The following STPG2 variants were observed in gnomAD, a reference collection of about 807,000 sequenced individuals.
STPG2 encodes the protein sperm-tail PG-rich repeat-containing protein 2.
In STPG2, 56 loss-of-function variants were observed where a neutral mutation model predicts 54.2. That is an observed-to-expected ratio of 1.03 (90% CI 0.83 to 1.29). The LOEUF (loss-of-function observed/expected upper bound fraction) is 1.29, where lower values mean the gene tolerates loss of function less well. Among genes scored for constraint, STPG2 ranks in the 50% most tolerant of loss-of-function variants. The probability of loss-of-function intolerance (pLI) is 0.00; values close to 1 mark genes in which losing one functional copy is unlikely to be tolerated. For synonymous variants in STPG2, 200 were observed against 181.8 expected (o/e 1.10, Z -0.81); for missense variants, 596 against 544.9 (o/e 1.09, Z -0.93).
At chr4:98,134,170 C>T (rs540497318) in intron 2 of STPG2, among the ~76,000 whole-genome samples, 177 bp downstream of exon 2, 1 of 151,948 alleles carries the variant, frequency 6.6e-6, no homozygotes, top group African/African-American at 2.4e-5. Context: ...AAACATCCAA[C>T]CCAATCATGC....
chr4:97,619,690 GCCGT>G (rs1156497369), intron 10 of STPG2, among the ~76,000 whole-genome samples: 2 of 151,954 alleles, frequency 1.3e-5, no homozygotes, highest in African/African-American at 4.8e-5. Flanking sequence ...TCCTTCAGAA[GCCGT>G]CTGTTAGTCA....
chr4:97,443,641 A>G (rs1729146318), intron 4 of STPG2, among the ~76,000 whole-genome samples: 1 of 152,094 alleles, frequency 6.6e-6, no homozygotes, highest in African/African-American at 2.4e-5. Context: ...AAAATGTGAA[A>G]CTCAGTTCTG....
At chr4:97,734,436 T>A (rs1486097145) in intron 9 of STPG2, among the ~76,000 whole-genome samples, 1 of 152,132 alleles carries the variant, frequency 6.6e-6, no homozygotes, top group Non-Finnish European at 1.5e-5. Flanking sequence ...CACTCTCCAA[T>A]GGGCCCCAGA....
At chr4:97,485,937 T>A (rs1251291394) in intron 4 of STPG2, among the ~76,000 whole-genome samples, 1 of 151,688 alleles carries the variant, frequency 6.6e-6, no homozygotes, top group Non-Finnish European at 1.5e-5. Flanking sequence ...AAATATAAAG[T>A]AGTGAAAAGA....
intron 10 of STPG2, among the ~76,000 whole-genome samples, chr4:97,631,128 C>T (rs953855778): frequency 6.6e-5 from 10 of 151,884 alleles, no homozygotes; most frequent in Non-Finnish European, 1.2e-4. Flanking sequence ...TTTTCTATTA[C>T]ATTGGGAAAA....
At chr4:97,837,231 T>C (rs887554609) in intron 9 of STPG2, among the ~76,000 whole-genome samples, 5 of 151,712 alleles carry the variant, frequency 3.3e-5, no homozygotes, top group African/African-American at 1.2e-4. Flanking sequence ...TAGGATGATC[T>C]TAGAAGCAGA....
At chr4:97,914,193 T>C (rs1731786172) in intron 8 of STPG2, among the ~76,000 whole-genome samples, 1 of 152,158 alleles carries the variant, frequency 6.6e-6, no homozygotes, top group Admixed American at 6.5e-5. Flanking sequence ...GAAAGTAAAT[T>C]ATTACCCCAA....
At chr4:97,864,396 T>C (rs376373295) in intron 8 of STPG2, among the ~76,000 whole-genome samples, 2 of 151,986 alleles carry the variant, frequency 1.3e-5, no homozygotes, top group Non-Finnish European at 2.9e-5. Flanking sequence ...ACGTGAAGGA[T>C]CTCTTCAAGG....
At chr4:97,887,229 G>C (rs1376049747) in intron 8 of STPG2, among the ~76,000 whole-genome samples, 6 of 152,220 alleles carry the variant, frequency 3.9e-5, no homozygotes, top group Admixed American at 1.3e-4. Flanking sequence ...ATGAGCAGAG[G>C]TTGGAAGAGT....
intron 9 of STPG2, among the ~76,000 whole-genome samples, chr4:97,800,176 T>C (rs1243245508): frequency 1.3e-5 from 2 of 152,246 alleles, no homozygotes; most frequent in African/African-American, 4.8e-5. Context: ...CCTTCTTCTC[T>C]CAACTCGTCA....
At chr4:97,516,277 C>T (rs149144289) in intron 4 of STPG2, among the ~76,000 whole-genome samples, 14 of 152,070 alleles carry the variant, frequency 9.2e-5, no homozygotes, top group African/African-American at 3.4e-4. Context: ...GTAACTTTGG[C>T]CATGAACTAA....
chr4:97,956,592 T>G (rs112673584), intron 7 of STPG2, among the ~76,000 whole-genome samples: 1 of 152,222 alleles, frequency 6.6e-6, no homozygotes, highest in African/African-American at 2.4e-5. Context: ...ACCCCAAATA[T>G]TGTGCTGGTA....
intron 1 of STPG2, among the ~76,000 whole-genome samples, chr4:98,142,596 AT>A (rs1204913998): frequency 6.6e-6 from 1 of 152,214 alleles, no homozygotes; most frequent in Non-Finnish European, 1.5e-5. Context: ...TCTTTAAATA[AT>A]ACTGCAAAAT....
At chr4:97,553,637 C>G (rs905341156) in intron 4 of STPG2, among the ~76,000 whole-genome samples, 9 of 152,198 alleles carry the variant, frequency 5.9e-5, no homozygotes, top group African/African-American at 2.2e-4. Flanking sequence ...TAACTGGGGT[C>G]AAATTTACTC....
At chr4:98,026,878 G>C (rs1426384935) in intron 5 of STPG2, among the ~76,000 whole-genome samples, 1 of 152,094 alleles carries the variant, frequency 6.6e-6, no homozygotes, top group Non-Finnish European at 1.5e-5. Flanking sequence ...TTAGTATAGA[G>C]TCTAGTTTTC....
Position 97,559,045 on chromosome 4 carries a change from C to T in STPG2, c.*13G>A. 6.3e-7 allele frequency: 1 copy of T among 1,583,848 alleles called. No individual in the cohort carries two copies. Among genetic ancestry groups the T allele is most frequent in the Non-Finnish European group, 8.6e-7 (1 of 1,167,280 alleles). ...CATGAAGTTGTTTTTTAAGTTTTTG[C>T]CATAAATTTATGTCACATTATATCA... On this transcript the variant is annotated 3_prime_UTR_variant, in exon 11 of 11. Transcript: ENST00000295268.
intron 8 of STPG2, among the ~76,000 whole-genome samples, chr4:97,853,426 T>TA (rs1301478349): frequency 6.6e-6 from 1 of 151,916 alleles, no homozygotes; most frequent in Non-Finnish European, 1.5e-5. Flanking sequence ...GAAAGTAAAA[T>TA]AAAAAAATTT....
intron 10 of STPG2, among the ~76,000 whole-genome samples, chr4:97,671,141 CTTA>C (rs2148969192): frequency 6.6e-6 from 1 of 152,316 alleles, no homozygotes; most frequent in African/African-American, 2.4e-5. Context: ...ACCCCAACCT[CTTA>C]TTTTCAGCTT....
intron 4 of STPG2, among the ~76,000 whole-genome samples, chr4:97,456,891 C>CAAAAAAAAAAAAA (rs57563048): frequency 0.012 from 590 of 48,662 alleles, 44 homozygotes; most frequent in African/African-American, 0.032. Context: ...TGCTCCGTCT[C>CAAAAAAAAAAAAA]AAAAAAAAAA....
Sources: gnomAD v4.1 joint callset for allele counts (sites outside exome capture counted in the v4.1 genomes callset) on GRCh38, gnomAD v4.1.1 for gene constraint, MANE v1.5 for transcripts, NCBI Gene and HGNC (gene_info 2026-07-23, HGNC 2026-07-21) for gene names.